Variants in GREB1 observed in about 807,000 individuals in gnomAD.
GREB1 encodes the protein growth regulating estrogen receptor binding 1.
Under a neutral mutation model 200.7 loss-of-function variants are expected in GREB1, and 106 were observed. That is an observed-to-expected ratio of 0.53 (90% CI 0.45 to 0.62). The LOEUF (loss-of-function observed/expected upper bound fraction) is 0.62, where lower values mean the gene tolerates loss of function less well. GREB1 is among the 20% of genes least tolerant of loss of function. The probability of loss-of-function intolerance (pLI) is 0.00; values close to 1 mark genes in which losing one functional copy is unlikely to be tolerated. For synonymous variants in GREB1, 1,132 were observed against 1,092.4 expected (o/e 1.04, Z -0.72); for missense variants, 2,243 against 2,556.8 (o/e 0.88, Z 2.65).
intron 9 of GREB1, among the ~76,000 whole-genome samples, chr2:11,586,423 T>G (rs892106011): frequency 5.3e-5 from 8 of 152,230 alleles, no homozygotes; most frequent in African/African-American, 1.9e-4. Flanking sequence ...TGATCTGTTT[T>G]GTGCAGTGGG....
intron 4 of GREB1, among the ~76,000 whole-genome samples, chr2:11,567,491 G>C (rs139435806): frequency 1.8e-3 from 277 of 152,260 alleles, no homozygotes; most frequent in African/African-American, 6.5e-3. Context: ...TCAAGGCCGC[G>C]TGAGTAAAGA....
intron 25 of GREB1, 98 bp downstream of exon 25, chr2:11,627,202 GTTC>G (rs1233071828): frequency 8.6e-7 from 1 of 1,160,646 alleles, no homozygotes; most frequent in Non-Finnish European, 1.2e-6. Flanking sequence ...GAGATAGAGA[GTTC>G]TGGAAGCCCT....
rs886665092 is a variant in GREB1, at chr2:11,617,363, C to T, written c.3412+643C>T. 1.5e-4 allele frequency among the ~76,000 whole-genome samples: 23 copies of T among 152,312 alleles called. 1 individual carries two copies. The highest frequency in any genetic ancestry group is 2.4e-4 in the African/African-American group (10 of 41,570). ...TCAGCACGCACAGTCCCTGTCTTTC[C>T]GCCAAAAGCATTCTGAGGGCCTACT... On this transcript the variant is annotated intron_variant, in intron 21 of 32. Coordinates refer to ENST00000381486, the MANE Select transcript of GREB1 (RefSeq NM_014668.4).
At chr2:11,592,447 G>A (rs1680823624) in intron 10 of GREB1, among the ~76,000 whole-genome samples, 1 of 151,354 alleles carries the variant, frequency 6.6e-6, no homozygotes, top group African/African-American at 2.4e-5. Context: ...TTTTAGGTGT[G>A]TGTGGCCAAA....
At chr2:11,571,786 C>T (rs1205616096) in intron 4 of GREB1, among the ~76,000 whole-genome samples, 9 of 152,066 alleles carry the variant, frequency 5.9e-5, no homozygotes, top group African/African-American at 2.2e-4. Flanking sequence ...TGTCGGCTCA[C>T]TGCAAGCTCC....
chr2:11,483,239 C>T (rs966221011), intron 1 of GREB1, among the ~76,000 whole-genome samples: 1 of 144,152 alleles, frequency 6.9e-6, no homozygotes, highest in African/African-American at 2.6e-5. Context: ...CGTGCGTGTG[C>T]GTGTATGGGT....
At chr2:11,564,489 G>A (rs184639686) in intron 3 of GREB1, among the ~76,000 whole-genome samples, 5 of 152,238 alleles carry the variant, frequency 3.3e-5, no homozygotes, top group Admixed American at 2.0e-4. Flanking sequence ...GGCCAGCCTG[G>A]GCAACATAGC....
Position 11,592,844 on chromosome 2 carries a change from C to A in GREB1, c.1414C>A (p.Leu472Met). ...IFLRSWRESH[L>M]TEIRQYQQAP... ...CCTGCGCTCTTGGCGCGAGTCGCAC[C>A]TGACCGAGATCCGGCAGTACCAGCA... is the stretch of plus-strand genomic sequence containing the variant. The change falls in exon 11 of 33, where the codon CTG becomes ATG. Residue 472 changes from leucine (L) to methionine (M), a missense_variant. By Grantham distance (15) the Leu-to-Met change is conservative (BLOSUM62 2). This residue lies in a region of GREB1 where 1,178 missense variants were observed against 1,387.4 expected (regional missense o/e 0.85). Transcript: ENST00000381486. The A allele has an allele frequency of 6.3e-7, 1 of 1,597,652 alleles. No homozygotes were observed. Among genetic ancestry groups the A allele is most frequent in the Non-Finnish European group, 8.5e-7 (1 of 1,174,886 alleles).
At chr2:11,620,621 T>C (rs1683923448) in intron 22 of GREB1, among the ~76,000 whole-genome samples, 1 of 152,242 alleles carries the variant, frequency 6.6e-6, no homozygotes, top group African/African-American at 2.4e-5. Context: ...TTGCTTTGGC[T>C]TATGATAAAC....
intron 18 of GREB1, 200 bp from the exon 19 acceptor site, chr2:11,612,295 A>G (rs928083378): frequency 5.4e-6 from 7 of 1,300,542 alleles, no homozygotes; most frequent in Non-Finnish European, 6.9e-6. Flanking sequence ...CTGGCTGGCT[A>G]ATCTCCATGT....
At chr2:11,512,580 C>T (rs1673381340) in intron 1 of GREB1, among the ~76,000 whole-genome samples, 1 of 152,186 alleles carries the variant, frequency 6.6e-6, no homozygotes, top group Non-Finnish European at 1.5e-5. Flanking sequence ...TTGAAGATTA[C>T]TCTGTTTTGG....
chr2:11,553,365 G>T (rs148256347), intron 1 of GREB1, among the ~76,000 whole-genome samples: 85 of 152,078 alleles, frequency 5.6e-4, no homozygotes, highest in African/African-American at 2.0e-3. Context: ...TTGGCATGGT[G>T]GTATGTTCCT....
At chr2:11,521,226 C>T (rs919149620) in intron 1 of GREB1, among the ~76,000 whole-genome samples, 2 of 152,126 alleles carry the variant, frequency 1.3e-5, no homozygotes, top group African/African-American at 4.8e-5. Context: ...CCTCCTGCCT[C>T]AGCCTCCTGA....
Position 11,597,998 on chromosome 2 carries a change from G to A in GREB1, c.2152+20G>A, listed in dbSNP as rs750757146. The A allele has an allele frequency of 2.0e-5, 31 of 1,578,246 alleles. No homozygotes were observed. The Middle Eastern group carries it at 5.0e-4, about 26-fold the overall frequency. On this transcript the variant is annotated intron_variant, in intron 14 of 32. Coordinates refer to ENST00000381486, the MANE Select transcript of GREB1 (RefSeq NM_014668.4). The surrounding 1 kb of genome is among the most constrained non-coding windows in gnomAD (Gnocchi z 4.1). ...ATTCAGGTATGGGGCATTTTGGGGAGAAGTCACGTGTGGAGAAGCTTTGAT... is the reference window on the plus strand; with the variant it reads ...ATTCAGGTATGGGGCATTTTGGGGAAAAGTCACGTGTGGAGAAGCTTTGAT...
At chr2:11,609,242 T>TTTATTTA (rs1553374319) in intron 17 of GREB1, among the ~76,000 whole-genome samples, 7 of 136,878 alleles carry the variant, frequency 5.1e-5, no homozygotes, top group South Asian at 4.8e-4. Flanking sequence ...GGCATTATTA[T>TTTATTTA]TTTATTTATT....
intron 1 of GREB1, among the ~76,000 whole-genome samples, chr2:11,508,892 C>T (rs10191842): frequency 0.98 from 140,282 of 143,640 alleles, 68,481 homozygotes; most frequent in East Asian, 0.99. Context: ...TTTTTTTTTT[C>T]GGGACAGAGT....
At chr2:11,635,236 C>G (rs759466486) in intron 29 of GREB1, 34 bp from the exon 30 acceptor site, 2 of 1,613,296 alleles carry the variant, frequency 1.2e-6, no homozygotes, top group Non-Finnish European at 1.7e-6. Flanking sequence ...GAGCTGTGCC[C>G]CATCAGACCC....
Position 11,632,083 on chromosome 2 carries a change from C to A in GREB1, c.4786C>A (p.Leu1596Ile). ...KYWPNHIMLV[L>I]PSIFNSAGVG... is the part of the protein sequence containing the mutation. ...TTGGCCCAACCACATCATGCTGGTG[C>A]TCCCCAGTATCTTCAACAGTGCTGG... is the stretch of plus-strand genomic sequence containing the variant. The change falls in exon 27 of 33, where the codon CTC (leucine) becomes ATC (isoleucine). Residue 1596 changes from leucine (L) to isoleucine (I), a missense_variant. Around this residue, in one of 3 missense-constraint regions of GREB1, gnomAD observed 478 missense variants for 616.3 expected, o/e 0.78. Transcript: ENST00000381486. 2 of 1,613,854 alleles carry A rather than the reference C, an allele frequency of 1.2e-6. No individual in the cohort carries two copies. Among genetic ancestry groups the A allele is most frequent in the South Asian group, 1.1e-5 (1 of 91,080 alleles).
In GREB1 at chr2:11,499,527, C is replaced by A. The variant is rs560032582; in HGVS notation, c.-159+17146C>A. Among the ~76,000 whole-genome samples, 18 of 152,362 alleles carry A rather than the reference C, an allele frequency of 1.2e-4. No individual in the cohort carries two copies. The East Asian group carries it at 2.3e-3, about 20-fold the overall frequency. On this transcript the variant is annotated intron_variant, in intron 1 of 2. Coordinates refer to the GREB1 transcript ENST00000628795. ...CTGTGCTGTTAATTTCAGGCAAGAGCAGATCAATAATATTTGCATTAGCTA... is the reference window on the plus strand; with the variant it reads ...CTGTGCTGTTAATTTCAGGCAAGAGAAGATCAATAATATTTGCATTAGCTA...
Sources: allele counts gnomAD v4.1 joint callset (sites outside exome capture counted in the v4.1 genomes callset), GRCh38; gene constraint gnomAD v4.1.1; regional missense constraint gnomAD v4.1.1; non-coding constraint Gnocchi (gnomAD v3.1); transcripts MANE v1.5; gene names NCBI Gene and HGNC (gene_info 2026-07-23, HGNC 2026-07-21).